NLRC5: variants seen among roughly 807,000 people sequenced by gnomAD.
The protein encoded by NLRC5 is protein NLRC5.
NLRC5 carries 114 observed loss-of-function variants against 206.9 expected under a neutral mutation model. The observed-to-expected ratio is 0.55, with a 90% CI of 0.47 to 0.64. The LOEUF is 0.64. Ranked by LOEUF, NLRC5 falls within the 30% of genes least tolerant of loss-of-function variation. NLRC5 has a pLI of 0.00. For missense variants in NLRC5, 2,008 were observed against 2,305.5 expected (o/e 0.87, Z 2.64); for synonymous variants, 952 against 962.8 (o/e 0.99, Z 0.21).
intron 18 of NLRC5, 120 bp downstream of exon 18, chr16:57,041,694 A>G (rs2063306403): frequency 1.3e-6 from 1 of 788,120 alleles, no homozygotes; most frequent in Admixed American, 2.4e-5. Context: ...GAAGTCAGAA[A>G]CCCCTTGGAG....
chr16:57,044,204 A>G (rs915997165), intron 20 of NLRC5, among the ~76,000 whole-genome samples: 10 of 151,678 alleles, frequency 6.6e-5, no homozygotes, highest in Non-Finnish European at 1.2e-4. Flanking sequence ...CCAGCCGCTC[A>G]GGAGTCAGGA....
chr16:57,020,330 T>C (rs2142913946), intron 2 of NLRC5, among the ~76,000 whole-genome samples: 1 of 122,722 alleles, frequency 8.1e-6, no homozygotes, highest in Non-Finnish European at 1.7e-5. Flanking sequence ...GCTCACCGGT[T>C]CCCCAGCTCA....
chr16:57,081,960 T>A (rs1225678117), intron 48 of NLRC5, among the ~76,000 whole-genome samples: 6 of 152,258 alleles, frequency 3.9e-5, no homozygotes, highest in African/African-American at 1.4e-4. Context: ...AAATGGCAGC[T>A]ATAATCAGAG....
chr16:57,044,145 CA>C lies in NLRC5; in HGVS notation c.3203+557del, dbSNP rs61317543. On this transcript the variant is annotated intron_variant, in intron 20 of 48. Coordinates refer to ENST00000688547, the MANE Select transcript of NLRC5 (RefSeq NM_001384950.1). ...GAAACCCTGTCTCTGCTAAAAATAC[CA>C]AAAAAAAAAAAAAAAGTATCTGGGC... Among the ~76,000 whole-genome samples, 442 of 128,598 alleles carry C rather than the reference CA, an allele frequency of 3.4e-3. 1 individual carries two copies. Among genetic ancestry groups the C allele is most frequent in the East Asian group, 3.7e-3 (17 of 4,574 alleles). The allele number at this position is 128,598 out of a possible 152,430, so 84.4% of individuals were successfully genotyped here. A position where few individuals can be genotyped will look rare whatever the true frequency, so the allele number is the denominator to read the frequency against.
chr16:57,050,432 A>C (rs921465767), intron 23 of NLRC5, among the ~76,000 whole-genome samples: 3 of 152,260 alleles, frequency 2.0e-5, no homozygotes, highest in African/African-American at 4.8e-5. Context: ...AGAAAGCAGC[A>C]GAGATGGGCC....
In NLRC5 at chr16:57,078,476, T is replaced by TG. The variant is rs576502350; in HGVS notation, c.5081+456_5081+457insG. Among the ~76,000 whole-genome samples, 60 of 144,590 alleles carry TG rather than the reference T, an allele frequency of 4.1e-4. 3 individuals are homozygous for TG. In the East Asian group the frequency reaches 7.7e-3, roughly 19 times the overall value. The allele number at this position is 144,590 out of a possible 152,430, so 94.9% of individuals were successfully genotyped here. A position where few individuals can be genotyped will look rare whatever the true frequency, so the allele number is the denominator to read the frequency against. ...GAGTGCTGGGACCTTGTTTTTTTTT[T>TG]TTTTTTTTTTTTTTAGATGGAGTCT... On this transcript the variant is annotated intron_variant, in intron 43 of 48. Transcript: ENST00000688547.
rs1306554813 is a variant in NLRC5 at position 57,017,208 on chromosome 16, C to G, written c.-13+20C>G. ...GACCAAGTAGGTGATTTTTCTCTCC[C>G]CTTCACCTCCTCTTTTCCCCTCCTA... On this transcript the variant is annotated intron_variant, in intron 2 of 48. Coordinates refer to ENST00000688547, the MANE Select transcript of NLRC5 (RefSeq NM_001384950.1). 1 of 152,652 alleles carries G rather than the reference C, an allele frequency of 6.6e-6. No homozygotes were observed. The highest frequency in any genetic ancestry group is 2.4e-5 in the African/African-American group (1 of 41,408). The allele number at this position is 152,652 out of a possible 1,614,324, so 9.5% of individuals were successfully genotyped here.
At chr16:57,065,448 G>A (rs2066980218) in intron 33 of NLRC5, 150 bp downstream of exon 33, 3 of 458,536 alleles carry the variant, frequency 6.5e-6, no homozygotes, top group Admixed American at 4.3e-5. Flanking sequence ...TGGGGCATAT[G>A]TGAGGGGCTA....
chr16:57,037,309 A>G, intron 15 of NLRC5, 25 bp downstream of exon 15: 2 of 1,575,696 alleles, frequency 1.3e-6, no homozygotes, highest in Non-Finnish European at 1.7e-6. Flanking sequence ...AGACCACGGT[A>G]CCCATCCCCC....
intron 1 of NLRC5, among the ~76,000 whole-genome samples, chr16:57,001,380 G>A (rs1334498324): frequency 6.6e-6 from 1 of 152,128 alleles, no homozygotes; most frequent in Non-Finnish European, 1.5e-5. Context: ...TCCATCCCAA[G>A]ACCTAATGGG....
At chr16:57,069,990 G>A (rs1229338448) in intron 37 of NLRC5, 71 bp downstream of exon 37, 1 of 1,286,440 alleles carries the variant, frequency 7.8e-7, no homozygotes, top group Non-Finnish European at 1.1e-6. Context: ...AGAGAGCAGG[G>A]CGTTTGGGAG....
At position 57,079,074 on chromosome 16, in the gene NLRC5, A is replaced by T. The variant is rs940408854; in HGVS notation, c.5106A>T (p.Pro1702=). ...GCCTACCATTCAGCCATCTGGGCCC[A>T]GGTGGGGCCCTGAGCCTGGCCCAGG... ...VLHLPFSHLG[P]GGALSLAQAL... The change falls in exon 44 of 49, where the codon CCA becomes CCT. Residue 1702 remains proline (P), a synonymous_variant. Coordinates refer to ENST00000688547, the MANE Select transcript of NLRC5 (RefSeq NM_001384950.1). The T allele has an allele frequency of 1.1e-5, 17 of 1,613,962 alleles. No individual in the cohort carries two copies. The African/African-American group carries it at 2.1e-4, about 20-fold the overall frequency.
intron 1 of NLRC5, among the ~76,000 whole-genome samples, chr16:56,993,227 G>A (rs1232135855): frequency 5.0e-5 from 7 of 140,410 alleles, no homozygotes; most frequent in Non-Finnish European, 8.0e-5. Context: ...TATATGTAGT[G>A]TTCTCTAACT....
At chr16:57,058,489 C>T (rs2065978694) in intron 28 of NLRC5, 2 of 388,942 alleles carry the variant, frequency 5.1e-6, no homozygotes, top group South Asian at 6.1e-5. Flanking sequence ...GCTCCTGGTC[C>T]ATCCCGTCCC....
In NLRC5 at chr16:57,036,103, C is replaced by G; in HGVS notation, c.2631C>G (p.Leu877=). 2 of 1,613,598 alleles carry G rather than the reference C, an allele frequency of 1.2e-6. No individual in the cohort carries two copies. Among genetic ancestry groups the G allele is most frequent in the Non-Finnish European group, 1.7e-6 (2 of 1,179,980 alleles). ...TGCATTGGGCCCCCCGTCTCAGCCT[C>G]TCAGGGAACCAGCTGGAAGATGAAG... ...QEGPHLEEVD[L]SGNQLEDEGC... is the part of the protein sequence containing the mutation. Residue 877 remains leucine (L), a synonymous_variant, in exon 14 of 49, where the codon CTC becomes CTG. Transcript: ENST00000688547.
At position 57,029,674 on chromosome 16, in the gene NLRC5, T is replaced by C. The variant is rs145261916; in HGVS notation, c.2244-99T>C. On this transcript the variant is annotated intron_variant, in intron 8 of 48. Transcript: ENST00000688547. ...CAGCTCTTTCTGGGCCCCTGTCTTA[T>C]GTCTCCCACATGAGGGTGGCCATCC... 2.8e-3 allele frequency: 2,623 copies of C among 939,242 alleles called. 51 individuals carry two copies. The African/African-American group carries it at 0.037, about 13-fold the overall frequency. The allele number at this position is 939,242 out of a possible 1,614,324, so 58.2% of individuals were successfully genotyped here.
In NLRC5 at chr16:57,013,773, G is replaced by C. The variant is rs142549695; in HGVS notation, c.-127-3301G>C. 7.5e-4 allele frequency: 530 copies of C among 707,022 alleles called. No homozygotes were observed. The African/African-American group carries it at 7.8e-3, about 10-fold the overall frequency. 43.8% of individuals were successfully genotyped at this position (707,022 alleles called of 1,614,324 possible). On this transcript the variant is annotated intron_variant, in intron 1 of 48. Transcript: ENST00000688547. ...TTTTTTATCCTCAATTCAGAACTTG[G>C]TATTTTCATTAAGTCACCCAGAAGC...
At chr16:57,024,640 TG>T (rs1487760351) in intron 5 of NLRC5, among the ~76,000 whole-genome samples, 9 of 152,170 alleles carry the variant, frequency 5.9e-5, no homozygotes, top group Admixed American at 1.3e-4. Flanking sequence ...TGCTCACCCC[TG>T]GGCATTGCAG....
rs1400259507 is a variant in NLRC5, at chr16:57,051,442, G to T, written c.3423-96G>T. The stretch of plus-strand genomic sequence containing the variant: ...GGAGGGAATGTTTCAGGTGACCCTG[G>T]TTAGGTCCCATCTCCAGAAGGCTCT... On this transcript the variant is annotated intron_variant, in intron 23 of 48. Coordinates refer to ENST00000688547, the MANE Select transcript of NLRC5 (RefSeq NM_001384950.1). 33 of 856,854 alleles carry T rather than the reference G, an allele frequency of 3.9e-5. 1 individual carries two copies. Among genetic ancestry groups the T allele is most frequent in the Non-Finnish European group, 6.2e-5 (31 of 501,370 alleles). 53.1% of individuals were successfully genotyped at this position (856,854 alleles called of 1,614,324 possible).
Sources: allele counts gnomAD v4.1 joint callset (sites outside exome capture counted in the v4.1 genomes callset), GRCh38; gene constraint gnomAD v4.1.1; transcripts MANE v1.5; gene names NCBI Gene and HGNC (gene_info 2026-07-23, HGNC 2026-07-21).